TEAD4: variants seen among roughly 807,000 people sequenced by gnomAD.
TEAD4 encodes the protein TEA domain transcription factor 4.
A neutral mutation model predicts 52.4 loss-of-function variants in TEAD4; 36 were observed. The ratio of observed to expected loss-of-function variants is 0.69; its 90% CI spans 0.53 to 0.91. TEAD4 has a LOEUF of 0.91. Among genes scored for constraint, TEAD4 ranks in the 40% least tolerant of loss-of-function variants. TEAD4 has a pLI of 0.00. For missense variants in TEAD4, 508 were observed against 583.9 expected (o/e 0.87, Z 1.34); for synonymous variants, 220 against 231.0 (o/e 0.95, Z 0.43).
At chr12:2,977,424 G>T (rs1391411586) in intron 2 of TEAD4, among the ~76,000 whole-genome samples, 1 of 152,182 alleles carries the variant, frequency 6.6e-6, no homozygotes, top group Non-Finnish European at 1.5e-5. Context: ...TCCTTAGCCT[G>T]GGAAGGATTG....
chr12:2,992,239 G>A (rs34301227), intron 2 of TEAD4, among the ~76,000 whole-genome samples: 1 of 151,730 alleles, frequency 6.6e-6, no homozygotes, highest in Non-Finnish European at 1.5e-5. Flanking sequence ...GGGTGGTCTC[G>A]AACTCCTGAC....
chr12:3,037,353 G>A (rs1369460415), intron 10 of TEAD4, among the ~76,000 whole-genome samples: 1 of 152,170 alleles, frequency 6.6e-6, no homozygotes, highest in Non-Finnish European at 1.5e-5. Flanking sequence ...AAGCAGAGAT[G>A]TCAAAAGATC....
chr12:3,006,497 C>T (rs1453396042), intron 3 of TEAD4, among the ~76,000 whole-genome samples: 1 of 151,936 alleles, frequency 6.6e-6, no homozygotes, highest in Non-Finnish European at 1.5e-5. Flanking sequence ...AGTTCGAGAC[C>T]AGCCTGACCA....
Position 2,996,414 on chromosome 12 carries a change from T to C in TEAD4, c.226+1422T>C, listed in dbSNP as rs572253272. ...TCCTTTTTCTTTTCTCTCTCTCTCT[T>C]TTTTTTTTTTTGAGATGGAGTTTCA... On this transcript the variant is annotated intron_variant, in intron 3 of 12. Transcript: ENST00000359864. Among the ~76,000 whole-genome samples the C allele has an allele frequency of 2.1e-3, 270 of 128,208 alleles. 1 individual carries two copies. Among genetic ancestry groups the C allele is most frequent in the Non-Finnish European group, 3.4e-3 (197 of 57,620 alleles). The allele number at this position is 128,208 out of a possible 152,430, so 84.1% of individuals were successfully genotyped here.
intron 10 of TEAD4, among the ~76,000 whole-genome samples, chr12:3,037,067 C>G (rs562983109): frequency 1.3e-5 from 2 of 152,220 alleles, no homozygotes; most frequent in East Asian, 3.9e-4. Context: ...TCAGATCAGC[C>G]CCACATCCAG....
In TEAD4 at chr12:2,994,854, G is replaced by C; in HGVS notation, c.88G>C (p.Ala30Pro). 2 of 1,614,102 alleles carry C rather than the reference G, an allele frequency of 1.2e-6. No homozygotes were observed. The highest frequency in any genetic ancestry group is 1.7e-6 in the Non-Finnish European group (2 of 1,180,024). The change falls in exon 3 of 13, where the codon GCA (alanine) becomes CCA (proline). Residue 30 changes from alanine (A) to proline (P), a missense_variant. Coordinates refer to ENST00000359864, the MANE Select transcript of TEAD4 (RefSeq NM_003213.4). The surrounding 1 kb of genome is among the most constrained non-coding windows in gnomAD (Gnocchi z 4.7). ...GAGCACCGCCTCTGGGGGCAGTCAG[G>C]CACTGGACAAGCCCATCGACAATGA...
chr12:2,975,060 A>T (rs1436509107), intron 2 of TEAD4, among the ~76,000 whole-genome samples: 1 of 151,106 alleles, frequency 6.6e-6, no homozygotes, highest in Non-Finnish European at 1.5e-5. Flanking sequence ...GCTTTATTTC[A>T]CTTTTAAAAT....
At chr12:3,031,076 C>T (rs562090809) in intron 10 of TEAD4, among the ~76,000 whole-genome samples, 1 of 152,306 alleles carries the variant, frequency 6.6e-6, no homozygotes, top group South Asian at 2.1e-4. Flanking sequence ...ATGCTGTCCA[C>T]TTTTTCTCAG....
intron 3 of TEAD4, among the ~76,000 whole-genome samples, chr12:3,005,152 G>A (rs930993754): frequency 1.3e-5 from 2 of 152,230 alleles, no homozygotes; most frequent in African/African-American, 4.8e-5. Context: ...ACTTAGAGGT[G>A]GAATCTAAAA....
At chr12:3,009,758 A>G (rs2098258748) in intron 3 of TEAD4, among the ~76,000 whole-genome samples, 1 of 152,112 alleles carries the variant, frequency 6.6e-6, no homozygotes, top group Non-Finnish European at 1.5e-5. Context: ...GTGTCCCCAG[A>G]CTCCGATTCT....
At chr12:2,974,767 A>G (rs113333579) in intron 2 of TEAD4, among the ~76,000 whole-genome samples, 2 of 151,944 alleles carry the variant, frequency 1.3e-5, no homozygotes, top group African/African-American at 4.8e-5. Context: ...CTGCTTGGAC[A>G]CCTGGTTTGG....
At chr12:2,985,101 C>T (rs1196655780) in intron 2 of TEAD4, among the ~76,000 whole-genome samples, 2 of 152,184 alleles carry the variant, frequency 1.3e-5, no homozygotes, top group Non-Finnish European at 2.9e-5. Context: ...TATAATAACA[C>T]TTTAAAACGC....
rs201755720 is a variant in TEAD4 at position 3,013,875 on chromosome 12, ATCTCTGAAAATATTTTTTATAT to A, written c.354+1645_354+1666del. Among the ~76,000 whole-genome samples, 120 of 152,308 alleles carry A rather than the reference ATCTCTGAAAATATTTTTTATAT, an allele frequency of 7.9e-4. No homozygotes were observed. The East Asian group carries it at 0.015, about 19-fold the overall frequency. On this transcript the variant is annotated intron_variant, in intron 5 of 12. Transcript: ENST00000359864. ...AGCCTGGGCAACATTGTGAGACCCC[ATCTCTGAAAATATTTTTTATAT>A]TAAAGAAAAGCCACTGAATTAGATG...
intron 6 of TEAD4, 120 bp downstream of exon 6, chr12:3,017,646 G>C (rs2098265576): frequency 7.3e-7 from 1 of 1,373,424 alleles, no homozygotes; most frequent in East Asian, 2.5e-5. Context: ...CTCTTGGCCA[G>C]GGCAGTCAGG....
chr12:2,986,337 ACT>A (rs1215376023), intron 2 of TEAD4, among the ~76,000 whole-genome samples: 1 of 151,076 alleles, frequency 6.6e-6, no homozygotes, highest in African/African-American at 2.4e-5. Context: ...GAAGGAGTAC[ACT>A]CTAAAATGAT....
intron 11 of TEAD4, among the ~76,000 whole-genome samples, chr12:3,039,037 C>G (rs920762098): frequency 2.0e-5 from 3 of 152,190 alleles, no homozygotes; most frequent in African/African-American, 7.2e-5. Context: ...AAGTCCTACT[C>G]TCACAGTCTG....
At position 3,003,117 on chromosome 12, in the gene TEAD4, C is replaced by T. The variant is rs542371246; in HGVS notation, c.227-7887C>T. On this transcript the variant is annotated intron_variant, in intron 3 of 12. Coordinates refer to ENST00000359864, the MANE Select transcript of TEAD4 (RefSeq NM_003213.4). ...ATGTGCCCAGCCTCCTCTCCCTGAG[C>T]CCCAACCTACAGGGGTGCAGTGTGG... Among the ~76,000 whole-genome samples, 4 of 152,270 alleles carry T rather than the reference C, an allele frequency of 2.6e-5. No individual in the cohort carries two copies. The South Asian group carries it at 8.3e-4, about 32-fold the overall frequency.
intron 3 of TEAD4, among the ~76,000 whole-genome samples, chr12:3,005,908 G>A (rs2098255567): frequency 1.3e-5 from 2 of 152,160 alleles, no homozygotes; most frequent in African/African-American, 4.8e-5. Flanking sequence ...AAAGTGCTGG[G>A]GTTATAGGTG....
Position 3,008,628 on chromosome 12 carries a change from G to A in TEAD4, c.227-2376G>A, listed in dbSNP as rs115324601. ...CGGGAGCTTGGACCCTGGAGGGTGC[G>A]GTGGTGCACAGTGGCTGTATGAATT... is the stretch of plus-strand genomic sequence containing the variant. On this transcript the variant is annotated intron_variant, in intron 3 of 12. Transcript: ENST00000359864. Among the ~76,000 whole-genome samples, 570 of 152,264 alleles carry A rather than the reference G, an allele frequency of 3.7e-3. 1 individual carries two copies. Among genetic ancestry groups the A allele is most frequent in the African/African-American group, 0.013 (521 of 41,542 alleles).
Sources: allele counts gnomAD v4.1 joint callset (sites outside exome capture counted in the v4.1 genomes callset), GRCh38; gene constraint gnomAD v4.1.1; non-coding constraint Gnocchi (gnomAD v3.1); transcripts MANE v1.5; gene names NCBI Gene and HGNC (gene_info 2026-07-23, HGNC 2026-07-21).